THRB: variants seen among roughly 807,000 people sequenced by gnomAD.
THRB encodes thyroid hormone receptor beta.
THRB carries 12 observed loss-of-function variants against 47.8 expected under a neutral mutation model. That is an observed-to-expected ratio of 0.25 (90% CI 0.16 to 0.41). THRB has a LOEUF of 0.41. Among genes scored for constraint, THRB ranks in the 10% least tolerant of loss-of-function variants. THRB has a pLI of 1.00. For synonymous variants in THRB, 218 were observed against 212.2 expected, an observed-to-expected ratio of 1.03 and a Z score of -0.24; for missense variants, 348 against 589.2, an observed-to-expected ratio of 0.59 and a Z score of 4.24.
At chr3:24,406,948 A>G (rs978732083) in intron 1 of THRB, among the ~76,000 whole-genome samples, 5 of 151,918 alleles carry the variant, frequency 3.3e-5, no homozygotes, top group African/African-American at 1.2e-4. Context: ...TTAAGTTAAC[A>G]CTTCTAGGTC....
At chr3:24,394,214 T>C (rs758041971) in intron 1 of THRB, among the ~76,000 whole-genome samples, 1 of 152,088 alleles carries the variant, frequency 6.6e-6, no homozygotes, top group Non-Finnish European at 1.5e-5. Context: ...AGAGCCTTTA[T>C]GGGATGTGAG....
intron 1 of THRB, among the ~76,000 whole-genome samples, chr3:24,441,874 T>C (rs551824075): frequency 1.3e-5 from 2 of 152,114 alleles, no homozygotes; most frequent in South Asian, 4.1e-4. Flanking sequence ...CCCTTCCCTG[T>C]AAGTTGCTGG....
chr3:24,336,243 G>C (rs1298605797), intron 2 of THRB, among the ~76,000 whole-genome samples: 1 of 152,210 alleles, frequency 6.6e-6, no homozygotes, highest in East Asian at 1.9e-4. Flanking sequence ...TGGGCACTGA[G>C]TGCTGTAATA....
chr3:24,197,788 C>T (rs2044129427), intron 4 of THRB, among the ~76,000 whole-genome samples: 1 of 152,224 alleles, frequency 6.6e-6, no homozygotes, highest in South Asian at 2.1e-4. Context: ...CAACAAAAGG[C>T]AGCTCAGCCA....
At chr3:24,387,524 C>T (rs1006960490) in intron 1 of THRB, among the ~76,000 whole-genome samples, 1 of 152,148 alleles carries the variant, frequency 6.6e-6, no homozygotes, top group Non-Finnish European at 1.5e-5. Context: ...AGAACACCTA[C>T]CACCCTGAAA....
chr3:24,126,599 A>G (rs547577139), intron 10 of THRB, among the ~76,000 whole-genome samples: 1 of 150,790 alleles, frequency 6.6e-6, no homozygotes, highest in African/African-American at 2.4e-5. Flanking sequence ...TACGTGGACA[A>G]GTGAAGCAGG....
intron 3 of THRB, among the ~76,000 whole-genome samples, chr3:24,273,763 G>A (rs1449048803): frequency 6.6e-6 from 1 of 152,112 alleles, no homozygotes; most frequent in African/African-American, 2.4e-5. Flanking sequence ...TCTACCCATT[G>A]CGGTAGAGCA....
At chr3:24,163,274 G>T (rs1247384111) in intron 5 of THRB, among the ~76,000 whole-genome samples, 1 of 152,182 alleles carries the variant, frequency 6.6e-6, no homozygotes, top group Non-Finnish European at 1.5e-5. Context: ...TAGTGAGTTT[G>T]GCAGGTGGCG....
At chr3:24,229,896 C>T (rs920405771) in intron 3 of THRB, among the ~76,000 whole-genome samples, 1 of 152,190 alleles carries the variant, frequency 6.6e-6, no homozygotes, top group Non-Finnish European at 1.5e-5. Flanking sequence ...TAATATACTA[C>T]TAGCTGTGGG....
intron 2 of THRB, among the ~76,000 whole-genome samples, chr3:24,320,733 C>T (rs770132513): frequency 1.3e-5 from 2 of 152,116 alleles, no homozygotes; most frequent in Non-Finnish European, 2.9e-5. Flanking sequence ...GAGGACTTTG[C>T]TCAAAGGTCC....
At chr3:24,493,377 G>A (rs1698479461) in intron 1 of THRB, among the ~76,000 whole-genome samples, 1 of 152,162 alleles carries the variant, frequency 6.6e-6, no homozygotes, top group Non-Finnish European at 1.5e-5. Context: ...CTAAACTAAA[G>A]CCAAATAATG....
chr3:24,421,742 A>AATG (rs1475299441), intron 1 of THRB, among the ~76,000 whole-genome samples: 2 of 151,946 alleles, frequency 1.3e-5, no homozygotes, highest in African/African-American at 4.8e-5. Flanking sequence ...TACAACATAA[A>AATG]ATGATGATGA....
At chr3:24,143,943 A>G in intron 7 of THRB, 1 of 571,206 alleles carries the variant, frequency 1.8e-6, no homozygotes. Flanking sequence ...TTCAAAACAA[A>G]GTCCCCAGAG....
intron 4 of THRB, among the ~76,000 whole-genome samples, chr3:24,200,853 G>A (rs528265880): frequency 1.1e-3 from 164 of 152,272 alleles, no homozygotes; most frequent in African/African-American, 3.8e-3. Flanking sequence ...ATCTCCTTGA[G>A]AGCAGGCGCT....
At chr3:24,376,039 T>C (rs2065262263) in intron 1 of THRB, among the ~76,000 whole-genome samples, 1 of 152,146 alleles carries the variant, frequency 6.6e-6, no homozygotes, top group Non-Finnish European at 1.5e-5. Flanking sequence ...CCTCAGTATT[T>C]GAGAAAACTT....
chr3:24,231,824 C>G (rs370081407), intron 3 of THRB, among the ~76,000 whole-genome samples: 1 of 152,050 alleles, frequency 6.6e-6, no homozygotes, highest in Admixed American at 6.5e-5. Flanking sequence ...CTGGAGCTCA[C>G]CAGCAAATCA....
intron 2 of THRB, among the ~76,000 whole-genome samples, chr3:24,321,289 G>A (rs2058467083): frequency 6.6e-6 from 1 of 152,094 alleles, no homozygotes; most frequent in Non-Finnish European, 1.5e-5. Flanking sequence ...CCCAAAAGCA[G>A]GGTCTCTTCA....
At chr3:24,365,272 T>C (rs1351031228) in intron 1 of THRB, among the ~76,000 whole-genome samples, 1 of 151,778 alleles carries the variant, frequency 6.6e-6, no homozygotes, top group African/African-American at 2.4e-5. Context: ...AGCTTGGGAG[T>C]GTGCAGGAAC....
intron 9 of THRB, among the ~76,000 whole-genome samples, chr3:24,130,104 G>C (rs980897774): frequency 5.3e-5 from 8 of 152,154 alleles, no homozygotes; most frequent in Non-Finnish European, 8.8e-5. Context: ...TCATCAGGAG[G>C]CCTCAAAGAC....
Sources: gnomAD v4.1 joint callset for allele counts (sites outside exome capture counted in the v4.1 genomes callset) on GRCh38, gnomAD v4.1.1 for gene constraint, MANE v1.5 for transcripts, NCBI Gene and HGNC (gene_info 2026-07-23, HGNC 2026-07-21) for gene names.